The following RAB17 variants were observed in gnomAD, a reference collection of about 807,000 sequenced individuals.
The protein encoded by RAB17 is ras-related protein Rab-17.
RAB17 carries 15 observed loss-of-function variants against 19.3 expected under a neutral mutation model. The observed-to-expected ratio is 0.78, with a 90% CI of 0.52 to 1.20. The LOEUF is 1.20. Ranked by LOEUF, RAB17 falls within the 50% of genes most tolerant of loss-of-function variation. The pLI is 0.00. For synonymous variants in RAB17, 110 were observed against 112.8 expected (o/e 0.97, Z 0.16); for missense variants, 262 against 269.3 (o/e 0.97, Z 0.19).
At chr2:237,587,173 G>C (rs1285242401) in intron 1 of RAB17, among the ~76,000 whole-genome samples, 1 of 152,250 alleles carries the variant, frequency 6.6e-6, no homozygotes, top group Non-Finnish European at 1.5e-5. Flanking sequence ...ATAATGTCCA[G>C]TTGTCTTTCT....
intron 3 of RAB17, 189 bp from the exon 4 acceptor site, chr2:237,577,571 C>G: frequency 1.6e-6 from 1 of 624,684 alleles, no homozygotes; most frequent in Non-Finnish European, 2.7e-6. Flanking sequence ...GTGACCTGTG[C>G]GGCCAGGCAG....
intron 2 of RAB17, among the ~76,000 whole-genome samples, chr2:237,581,317 T>C (rs961673296): frequency 6.6e-6 from 1 of 150,506 alleles, no homozygotes; most frequent in Non-Finnish European, 1.5e-5. Flanking sequence ...GAGGCTACAG[T>C]GAGCTGTGAT....
intron 2 of RAB17, among the ~76,000 whole-genome samples, chr2:237,580,756 G>A (rs760481071): frequency 6.6e-6 from 1 of 151,264 alleles, no homozygotes; most frequent in African/African-American, 2.4e-5. Flanking sequence ...AAAAAAAGAA[G>A]GGGGGGGAGG....
At chr2:237,588,806 C>G (rs2081370214) in intron 1 of RAB17, among the ~76,000 whole-genome samples, 1 of 152,224 alleles carries the variant, frequency 6.6e-6, no homozygotes, top group Admixed American at 6.5e-5. Context: ...GTCAAAAAAT[C>G]TGTAGCCCGA....
chr2:237,581,888 G>C (rs1342743237), intron 2 of RAB17, among the ~76,000 whole-genome samples: 1 of 152,260 alleles, frequency 6.6e-6, no homozygotes, highest in East Asian at 1.9e-4. Context: ...ACAAGCACTA[G>C]ATGTCACCAT....
intron 2 of RAB17, among the ~76,000 whole-genome samples, chr2:237,584,065 G>C (rs563436907): frequency 6.6e-6 from 1 of 152,102 alleles, no homozygotes; most frequent in African/African-American, 2.4e-5. Context: ...CTCGGACCCT[G>C]GCTTGCTGGA....
At chr2:237,582,475 G>A (rs1406112050) in intron 2 of RAB17, among the ~76,000 whole-genome samples, 1 of 152,190 alleles carries the variant, frequency 6.6e-6, no homozygotes, top group Non-Finnish European at 1.5e-5. Flanking sequence ...AATCCAGACG[G>A]AGGGAAGGAG....
chr2:237,585,022 G>C (rs1436267523), intron 2 of RAB17, among the ~76,000 whole-genome samples: 1 of 152,216 alleles, frequency 6.6e-6, no homozygotes, highest in African/African-American at 2.4e-5. Flanking sequence ...TGTATCCCCT[G>C]GGGATCCTTC....
chr2:237,584,358 C>A (rs1024969414), intron 2 of RAB17, among the ~76,000 whole-genome samples: 6 of 152,114 alleles, frequency 3.9e-5, no homozygotes, highest in Non-Finnish European at 7.4e-5. Context: ...TGGGCGCTGG[C>A]TCCTGCAGGC....
chr2:237,589,538 T>C (rs1252268204), intron 1 of RAB17, among the ~76,000 whole-genome samples: 3 of 152,228 alleles, frequency 2.0e-5, no homozygotes, highest in Non-Finnish European at 2.9e-5. Flanking sequence ...TTTAATTTTT[T>C]CTCTGTAATA....
chr2:237,587,379 C>T (rs1412108489), intron 1 of RAB17, among the ~76,000 whole-genome samples: 1 of 152,164 alleles, frequency 6.6e-6, no homozygotes, highest in Non-Finnish European at 1.5e-5. Context: ...CCCTTCCTCA[C>T]CACAGTGGGC....
At chr2:237,589,860 A>T (rs745777538) in intron 1 of RAB17, among the ~76,000 whole-genome samples, 1 of 152,134 alleles carries the variant, frequency 6.6e-6, no homozygotes, top group Non-Finnish European at 1.5e-5. Flanking sequence ...ATCCCACATT[A>T]GTCTTTTTTG....
intron 4 of RAB17, chr2:237,576,519 C>A: frequency 4.3e-6 from 2 of 460,966 alleles, no homozygotes. Context: ...CCAAAATCTT[C>A]ACCCCACTTC....
At chr2:237,584,684 T>C (rs2081334689) in intron 2 of RAB17, among the ~76,000 whole-genome samples, 1 of 152,190 alleles carries the variant, frequency 6.6e-6, no homozygotes, top group Non-Finnish European at 1.5e-5. Flanking sequence ...TCTCTGCATC[T>C]TGAATACCAG....
chr2:237,576,583 C>A, intron 4 of RAB17: 1 of 471,248 alleles, frequency 2.1e-6, no homozygotes, highest in Non-Finnish European at 4.4e-6. Context: ...TTGGGAGGCG[C>A]GCCCGTCGGT....
intron 1 of RAB17, among the ~76,000 whole-genome samples, chr2:237,587,131 G>A (rs1258734294): frequency 6.6e-6 from 1 of 152,230 alleles, no homozygotes; most frequent in African/African-American, 2.4e-5. Context: ...AGATTGCCAT[G>A]AGAGTGTGCG....
Position 237,577,366 on chromosome 2 carries a change from G to C in RAB17, c.326C>G (p.Ala109Gly). 1 of 1,606,268 alleles carries C rather than the reference G, an allele frequency of 6.2e-7. No homozygotes were observed. ...CTCCAGGTCCTTCAGCCACTGCTGAGCCTTGAGGAAGGAATCCTAGAAAAG... is the reference window on the plus strand; with the variant it reads ...CTCCAGGTCCTTCAGCCACTGCTGACCCTTGAGGAAGGAATCCTAGAAAAG... Reference protein sequence around the residue: ...DITRKDSFLKAQQWLKDLEEE... With the variant: ...DITRKDSFLKGQQWLKDLEEE... Residue 109 changes from alanine to glycine, a missense_variant, in exon 4 of 6, where the codon GCT (alanine) becomes GGT (glycine). Ala to Gly is a moderately conservative substitution (Grantham distance 60, BLOSUM62 0). Coordinates refer to ENST00000264601, the MANE Select transcript of RAB17 (RefSeq NM_022449.4).
chr2:237,574,849 C>G lies in RAB17; in HGVS notation c.*170G>C. 1.2e-6 allele frequency: 1 copy of G among 811,354 alleles called. No individual in the cohort carries two copies. Among genetic ancestry groups the G allele is most frequent in the Non-Finnish European group, 1.8e-6 (1 of 542,990 alleles). 50.3% of individuals were successfully genotyped at this position (811,354 alleles called of 1,614,324 possible). A position where few individuals can be genotyped will look rare whatever the true frequency, so the allele number is the denominator to read the frequency against. ...GAGCCATGTGACGCCAGATCTTCCTCTGGCAGTTCCCACTGGCTGTGGGAA... is the reference window on the plus strand; with the variant it reads ...GAGCCATGTGACGCCAGATCTTCCTGTGGCAGTTCCCACTGGCTGTGGGAA... On this transcript the variant is annotated 3_prime_UTR_variant, in exon 6 of 6. Coordinates refer to ENST00000264601, the MANE Select transcript of RAB17 (RefSeq NM_022449.4).
chr2:237,586,823 C>T (rs1011530974), intron 1 of RAB17, among the ~76,000 whole-genome samples: 11 of 152,352 alleles, frequency 7.2e-5, no homozygotes, highest in Middle Eastern at 6.8e-3. Flanking sequence ...CCACCTCCCG[C>T]TTCCCCAGTA....
Sources: allele counts gnomAD v4.1 joint callset (sites outside exome capture counted in the v4.1 genomes callset), GRCh38; gene constraint gnomAD v4.1.1; transcripts MANE v1.5; gene names NCBI Gene and HGNC (gene_info 2026-07-23, HGNC 2026-07-21).